Variants in MIOS observed in about 807,000 individuals in gnomAD.
MIOS encodes GATOR2 complex protein MIOS.
In MIOS, 52 loss-of-function variants were observed where a neutral mutation model predicts 96.9. That is an observed-to-expected ratio of 0.54 (90% CI 0.43 to 0.68). The LOEUF (loss-of-function observed/expected upper bound fraction) is 0.68, where lower values mean the gene tolerates loss of function less well. MIOS is among the 30% of genes least tolerant of loss of function. The pLI is 0.00. For synonymous variants in MIOS, 397 were observed against 359.5 expected (o/e 1.10, Z -1.18); for missense variants, 1,005 against 1,052.8 (o/e 0.95, Z 0.63).
Position 7,572,296 on chromosome 7 carries a change from CAGAT to C in MIOS, c.-40-136_-40-133del, listed in dbSNP as rs1452722786. On this transcript the variant is annotated intron_variant, in intron 3 of 12. Coordinates refer to ENST00000340080, the MANE Select transcript of MIOS (RefSeq NM_019005.4). This position sits in a 1 kb window ranked among gnomAD's most constrained non-coding sequence, Gnocchi z 4.8. ...AATAAATATTTTCTTGAATTCATAG[CAGAT>C]AGAGAGAAGAAATACAAATATATTG... is the stretch of plus-strand genomic sequence containing the variant. 4.3e-6 allele frequency: 2 copies of C among 468,114 alleles called. No individual in the cohort carries two copies. Among genetic ancestry groups the C allele is most frequent in the Non-Finnish European group, 7.5e-6 (2 of 266,974 alleles). The allele number at this position is 468,114 out of a possible 1,614,324, so 29.0% of individuals were successfully genotyped here.
At chr7:7,581,816 A>T (rs1490646176) in intron 5 of MIOS, 2 of 152,144 alleles carry the variant, frequency 1.3e-5, no homozygotes, top group African/African-American at 4.8e-5. Context: ...TTACCTCGAG[A>T]CTGTCTTTCA....
rs1160491483 is a variant in MIOS, at chr7:7,573,870, A to G, written c.1294+101A>G. The G allele has an allele frequency of 8.6e-7, 1 of 1,162,544 alleles. No individual in the cohort carries two copies. The allele number at this position is 1,162,544 out of a possible 1,614,324, so 72.0% of individuals were successfully genotyped here. A position where few individuals can be genotyped will look rare whatever the true frequency, so the allele number is the denominator to read the frequency against. On this transcript the variant is annotated intron_variant, in intron 4 of 12. Coordinates refer to ENST00000340080, the MANE Select transcript of MIOS (RefSeq NM_019005.4). This position sits in a 1 kb window ranked among gnomAD's most constrained non-coding sequence, Gnocchi z 5.0. ...TAAATATGCTCAATGTTTTATATAC[A>G]AATACAAGTTACATAATACTAACAT...
At chr7:7,588,148 T>C (rs1783945012) in intron 7 of MIOS, among the ~76,000 whole-genome samples, 1 of 152,202 alleles carries the variant, frequency 6.6e-6, no homozygotes, top group South Asian at 2.1e-4. Context: ...TTCTCTAAAA[T>C]TAATTTCTAT....
At position 7,573,237 on chromosome 7, in the gene MIOS, A is replaced by C. The variant is rs1783413772; in HGVS notation, c.762A>C (p.Arg254Ser). 1 of 1,614,044 alleles carries C rather than the reference A, an allele frequency of 6.2e-7. No homozygotes were observed. Among genetic ancestry groups the C allele is most frequent in the Admixed American group, 1.7e-5 (1 of 60,008 alleles). The change falls in exon 4 of 13, where the codon AGA (arginine) becomes AGC (serine). Residue 254 changes from arginine (R) to serine (S), a missense_variant. Physicochemically the swap from Arg to Ser is moderately radical, Grantham distance 110 (BLOSUM62 -1). This residue lies in a region of MIOS where 865 missense variants were observed against 887.9 expected (regional missense o/e 0.97). Coordinates refer to ENST00000340080, the MANE Select transcript of MIOS (RefSeq NM_019005.4). This position sits in a 1 kb window ranked among gnomAD's most constrained non-coding sequence, Gnocchi z 5.0. ...YEGQVAIWDLRKFEKPVLTLT... is the reference protein window; with the variant it reads ...YEGQVAIWDLSKFEKPVLTLT... ...GTCAGGTTGCAATATGGGATCTTAG[A>C]AAATTTGAGAAGCCAGTTTTGACAT...
intron 11 of MIOS, among the ~76,000 whole-genome samples, chr7:7,599,576 T>A (rs4380838): frequency 0.95 from 145,228 of 152,220 alleles, 69,395 homozygotes; most frequent in East Asian, 1. Flanking sequence ...GCAGACCAAG[T>A]GTAAAAAACA....
chr7:7,577,048 A>G (rs76854576), intron 5 of MIOS, among the ~76,000 whole-genome samples: 1,927 of 152,316 alleles, frequency 0.013, 32 homozygotes, highest in African/African-American at 0.044. Context: ...ATATCAGTTC[A>G]AAGCCCAGGG....
chr7:7,590,359 A>AT (rs911727502), intron 9 of MIOS, among the ~76,000 whole-genome samples: 42 of 152,180 alleles, frequency 2.8e-4, no homozygotes, highest in Non-Finnish European at 5.1e-4. Flanking sequence ...CTTCTATAAC[A>AT]TTTTTTCTTG....
chr7:7,593,918 A>T (rs544231067), intron 9 of MIOS, among the ~76,000 whole-genome samples: 178 of 151,708 alleles, frequency 1.2e-3, no homozygotes, highest in Non-Finnish European at 2.1e-3. Context: ...AAAAAAAGAA[A>T]ACCTAAAGCA....
rs1783420317 is a variant in MIOS at position 7,573,461 on chromosome 7, C to T, written c.986C>T (p.Ala329Val). ...TGTGACAATTACATTGCTTCCTTTG[C>T]GTGGCATCCAACAAGTCAAAATCGA... ...QPCDNYIASF[A>V]WHPTSQNRMI... The change falls in exon 4 of 13, where the codon GCG becomes GTG. Residue 329 changes from alanine (A) to valine (V), a missense_variant. By Grantham distance (64) the Ala-to-Val change is moderately conservative. Around this residue, in one of 3 missense-constraint regions of MIOS, gnomAD observed 865 missense variants for 887.9 expected, o/e 0.97. Coordinates refer to ENST00000340080, the MANE Select transcript of MIOS (RefSeq NM_019005.4). This position sits in a 1 kb window ranked among gnomAD's most constrained non-coding sequence, Gnocchi z 5.0. The T allele has an allele frequency of 1.9e-6, 3 of 1,614,090 alleles. No homozygotes were observed. Among genetic ancestry groups the T allele is most frequent in the Non-Finnish European group, 2.5e-6 (3 of 1,179,960 alleles).
At chr7:7,593,506 T>C (rs1006015649) in intron 9 of MIOS, among the ~76,000 whole-genome samples, 4 of 152,166 alleles carry the variant, frequency 2.6e-5, no homozygotes, top group African/African-American at 9.7e-5. Flanking sequence ...TTCAGATTGA[T>C]GCCAAAGCAT....
chr7:7,597,492 ATATATATATATATATATATATAT>A (rs1372800534), intron 11 of MIOS, among the ~76,000 whole-genome samples: 868 of 63,504 alleles, frequency 0.014, 158 homozygotes, highest in African/African-American at 0.044. Context: ...ATATATATAT[ATATATATATATATATATATATAT>A]ATGAAGGCAA....
chr7:7,568,965 C>T (rs1442639478), intron 3 of MIOS, among the ~76,000 whole-genome samples: 2 of 152,138 alleles, frequency 1.3e-5, no homozygotes, highest in African/African-American at 4.8e-5. Flanking sequence ...TATGCTAAAA[C>T]TCGTATTTTA....
chr7:7,599,785 T>C (rs1246167477), intron 11 of MIOS, among the ~76,000 whole-genome samples: 1 of 152,134 alleles, frequency 6.6e-6, no homozygotes, highest in Non-Finnish European at 1.5e-5. Flanking sequence ...AGCAAAGACA[T>C]AAAATCAACT....
intron 10 of MIOS, 45 bp downstream of exon 10, chr7:7,595,177 G>A (rs1784168774): frequency 1.3e-6 from 2 of 1,563,846 alleles, no homozygotes; most frequent in East Asian, 4.6e-5. Flanking sequence ...ACATGTTGAT[G>A]TTCAATTTAA....
chr7:7,591,169 T>G (rs1784037838), intron 9 of MIOS, among the ~76,000 whole-genome samples: 1 of 152,170 alleles, frequency 6.6e-6, no homozygotes, highest in African/African-American at 2.4e-5. Context: ...AATGTCTATT[T>G]CACTCTTATT....
intron 12 of MIOS, among the ~76,000 whole-genome samples, chr7:7,606,347 TA>T (rs1231690963): frequency 6.6e-6 from 1 of 152,194 alleles, no homozygotes; most frequent in African/African-American, 2.4e-5. Flanking sequence ...GGGGAGAGGA[TA>T]TGTTTACAGT....
In MIOS at chr7:7,571,717, A is replaced by G. The variant is rs150065318; in HGVS notation, c.-40-719A>G. 1.4e-3 allele frequency among the ~76,000 whole-genome samples: 216 copies of G among 152,346 alleles called. 1 individual carries two copies. The highest frequency in any genetic ancestry group is 5.0e-3 in the African/African-American group (209 of 41,588). The stretch of plus-strand genomic sequence containing the variant: ...ACACACAATGACTTTTCTGAGGCAT[A>G]TAACTAATATACGGCAGAGCTAGGA... On this transcript the variant is annotated intron_variant, in intron 3 of 12. Coordinates refer to ENST00000340080, the MANE Select transcript of MIOS (RefSeq NM_019005.4).
Position 7,607,013 on chromosome 7 carries a change from C to A in MIOS, c.2549C>A (p.Pro850His). Residue 850 changes from proline (P) to histidine (H), a missense_variant, in exon 13 of 13, where the codon CCT (proline) becomes CAT (histidine). Physicochemically the swap from Pro to His is moderately conservative, Grantham distance 77. Transcript: ENST00000340080. The part of the protein sequence containing the change: ...LSWFRDHAEC[P>H]VSACTCKCMQ... ...TTTTTTAGGGACCATGCAGAGTGCC[C>A]TGTGTCGGCATGCACGTGTAAATGT... is the stretch of plus-strand genomic sequence containing the variant. 1 of 1,611,980 alleles carries A rather than the reference C, an allele frequency of 6.2e-7. No individual in the cohort carries two copies. Among genetic ancestry groups the A allele is most frequent in the Non-Finnish European group, 8.5e-7 (1 of 1,178,692 alleles).
chr7:7,598,137 A>G (rs1457392175), intron 11 of MIOS, among the ~76,000 whole-genome samples: 1 of 152,208 alleles, frequency 6.6e-6, no homozygotes, highest in African/African-American at 2.4e-5. Flanking sequence ...TTCAATTAAA[A>G]TCATTTTGGG....
Sources: gnomAD v4.1 joint callset for allele counts (sites outside exome capture counted in the v4.1 genomes callset) on GRCh38, gnomAD v4.1.1 for gene constraint, gnomAD v4.1.1 regional missense constraint, Gnocchi (gnomAD v3.1) non-coding constraint, MANE v1.5 for transcripts, NCBI Gene and HGNC (gene_info 2026-07-23, HGNC 2026-07-21) for gene names.